GPD2: variants seen among roughly 807,000 people sequenced by gnomAD.
GPD2 encodes glycerol-3-phosphate dehydrogenase 2, also known as glycerol-3-phosphate dehydrogenase, mitochondrial.
GPD2 carries 54 observed loss-of-function variants against 82.4 expected under a neutral mutation model. That is an observed-to-expected ratio of 0.66 (90% CI 0.53 to 0.82). GPD2 has a LOEUF of 0.82. Among genes scored for constraint, GPD2 ranks in the 40% least tolerant of loss-of-function variants. The pLI is 0.00. For missense variants in GPD2, 748 were observed against 896.2 expected, an observed-to-expected ratio of 0.83 and a Z score of 2.11; for synonymous variants, 288 against 306.1, an observed-to-expected ratio of 0.94 and a Z score of 0.62.
chr2:156,559,859 T>G (rs1235158723), intron 9 of GPD2, among the ~76,000 whole-genome samples: 1 of 152,222 alleles, frequency 6.6e-6, no homozygotes, highest in Non-Finnish European at 1.5e-5. Context: ...CAATTTTAGC[T>G]TGGTACTTTT....
At chr2:156,502,367 G>T (rs1446937428) in intron 3 of GPD2, among the ~76,000 whole-genome samples, 1 of 152,058 alleles carries the variant, frequency 6.6e-6, no homozygotes, top group Admixed American at 6.6e-5. Flanking sequence ...GGTGAAATTT[G>T]GGAAATATTT....
chr2:156,419,960 A>G, the GPD2 span, among the ~76,000 whole-genome samples: 1 of 152,172 alleles, frequency 6.6e-6, no homozygotes, highest in South Asian at 2.1e-4. Context: ...GGAATACAGA[A>G]AATTGTAGAA....
rs187880288 is a variant in GPD2 at position 156,443,148 on chromosome 2, C to G, written c.-9+6635C>G. Reference sequence around the variant, plus strand: ...CTAACAAACCTTGAGTGCCCTGACCCCTGGCTACTAGTTTTATGACATTTT... The same window carrying G: ...CTAACAAACCTTGAGTGCCCTGACCGCTGGCTACTAGTTTTATGACATTTT... On this transcript the variant is annotated intron_variant, in intron 1 of 16. Coordinates refer to ENST00000438166, the MANE Select transcript of GPD2 (RefSeq NM_000408.5). 3.3e-5 allele frequency among the ~76,000 whole-genome samples: 5 copies of G among 152,278 alleles called. No homozygotes were observed. In the East Asian group the frequency reaches 9.6e-4, roughly 29 times the overall value.
intron 3 of GPD2, among the ~76,000 whole-genome samples, chr2:156,503,756 A>G (rs1395900138): frequency 1.3e-5 from 2 of 152,186 alleles, no homozygotes; most frequent in Non-Finnish European, 2.9e-5. Flanking sequence ...GATAAAATAT[A>G]TAAGACAGTT....
chr2:156,569,248 C>A, intron 10 of GPD2, 115 bp from the exon 11 acceptor site: 1 of 763,358 alleles, frequency 1.3e-6, no homozygotes, highest in Non-Finnish European at 2.3e-6. Flanking sequence ...TTTACACAAT[C>A]CCATGTTTGT....
chr2:156,516,811 T>C (rs1448777886), intron 6 of GPD2, among the ~76,000 whole-genome samples: 1 of 151,854 alleles, frequency 6.6e-6, no homozygotes, highest in East Asian at 1.9e-4. Context: ...TAATATCTTA[T>C]ACACTTACTT....
At chr2:156,453,524 A>C (rs555850019) in intron 1 of GPD2, among the ~76,000 whole-genome samples, 4 of 152,144 alleles carry the variant, frequency 2.6e-5, no homozygotes, top group Non-Finnish European at 5.9e-5. Context: ...GGTTATGATA[A>C]TGAGGTAGGG....
chr2:156,457,539 A>G lies in GPD2; in HGVS notation c.-8-18559A>G, dbSNP rs542830761. 3.3e-5 allele frequency among the ~76,000 whole-genome samples: 5 copies of G among 152,276 alleles called. No individual in the cohort carries two copies. The East Asian group carries it at 5.8e-4, about 18-fold the overall frequency. On this transcript the variant is annotated intron_variant, in intron 1 of 16. Transcript: ENST00000438166. Reference sequence around the variant, plus strand: ...ACTCTGAAATAAGAGTGTCCATTCTATTTGAGTGAATGTTTATTTGGGGGA... The same window carrying G: ...ACTCTGAAATAAGAGTGTCCATTCTGTTTGAGTGAATGTTTATTTGGGGGA...
intron 8 of GPD2, among the ~76,000 whole-genome samples, chr2:156,553,456 A>C (rs1196102253): frequency 1.3e-5 from 2 of 152,228 alleles, no homozygotes; most frequent in Non-Finnish European, 2.9e-5. Context: ...AAAATAAAAC[A>C]TGATTCTTCA....
At chr2:156,502,455 C>A (rs1684621318) in intron 3 of GPD2, among the ~76,000 whole-genome samples, 1 of 152,124 alleles carries the variant, frequency 6.6e-6, no homozygotes, top group Non-Finnish European at 1.5e-5. Flanking sequence ...GAGACAGAGT[C>A]TCACTCTATT....
At chr2:156,547,771 A>G (rs1466243250) in intron 6 of GPD2, among the ~76,000 whole-genome samples, 1 of 152,254 alleles carries the variant, frequency 6.6e-6, no homozygotes, top group Non-Finnish European at 1.5e-5. Flanking sequence ...TTAAACACAT[A>G]TTAAAAGAAA....
intron 1 of GPD2, among the ~76,000 whole-genome samples, chr2:156,441,034 T>C (rs2105138094): frequency 6.6e-6 from 1 of 152,290 alleles, no homozygotes; most frequent in East Asian, 1.9e-4. Flanking sequence ...GGGCTGGAAA[T>C]CCAGTCAGTC....
chr2:156,574,867 A>G (rs1687761928), intron 13 of GPD2, among the ~76,000 whole-genome samples: 1 of 152,212 alleles, frequency 6.6e-6, no homozygotes, highest in Non-Finnish European at 1.5e-5. Flanking sequence ...AATCTAGATC[A>G]TTGCTTAAGG....
intron 5 of GPD2, among the ~76,000 whole-genome samples, chr2:156,512,783 AT>A (rs1327796253): frequency 1.3e-5 from 2 of 152,210 alleles, no homozygotes; most frequent in African/African-American, 4.8e-5. Context: ...ATTATAAATT[AT>A]AAAACTTAAT....
intron 16 of GPD2, 84 bp from the exon 17 acceptor site, chr2:156,582,709 G>A (rs1436741650): frequency 1.4e-6 from 2 of 1,437,374 alleles, no homozygotes; most frequent in East Asian, 4.6e-5. Flanking sequence ...ACCTCTGTCT[G>A]CTGCAATTCT....
chr2:156,543,463 A>G (rs766839491), intron 6 of GPD2, among the ~76,000 whole-genome samples: 2 of 152,202 alleles, frequency 1.3e-5, no homozygotes, highest in Non-Finnish European at 2.9e-5. Context: ...TTGGCTGTGC[A>G]TTATAGACTC....
the GPD2 span, among the ~76,000 whole-genome samples, chr2:156,427,403 C>T: frequency 6.6e-6 from 1 of 152,150 alleles, no homozygotes; most frequent in African/African-American, 2.4e-5. Flanking sequence ...ATTGTAAACA[C>T]TCAAATTATA....
chr2:156,413,865 T>C, the GPD2 span, among the ~76,000 whole-genome samples: 1 of 152,084 alleles, frequency 6.6e-6, no homozygotes, highest in Non-Finnish European at 1.5e-5. Flanking sequence ...GATCGTGCCA[T>C]TGACCTCCAG....
At chr2:156,561,040 C>CTTTTTTTTTTTTTTTGT (rs1687150400) in intron 9 of GPD2, among the ~76,000 whole-genome samples, 1 of 27,624 alleles carries the variant, frequency 3.6e-5, no homozygotes, top group African/African-American at 1.4e-4. Context: ...TGACATTAAG[C>CTTTTTTTTTTTTTTTGT]TTTTTTTTTT....
Sources: allele counts gnomAD v4.1 joint callset (sites outside exome capture counted in the v4.1 genomes callset), GRCh38; gene constraint gnomAD v4.1.1; transcripts MANE v1.5; gene names NCBI Gene and HGNC (gene_info 2026-07-23, HGNC 2026-07-21).